The following GLOD5 variants were observed in gnomAD, a reference collection of about 807,000 sequenced individuals.
GLOD5 encodes glyoxalase domain-containing protein 5.
A neutral mutation model predicts 9.9 loss-of-function variants in GLOD5; 7 were observed. The ratio of observed to expected loss-of-function variants is 0.71; its 90% CI spans 0.40 to 1.33. The LOEUF is 1.33. Ranked by LOEUF, GLOD5 falls within the 40% of genes most tolerant of loss-of-function variation. The probability of loss-of-function intolerance (pLI) is 0.01; values close to 1 mark genes in which losing one functional copy is unlikely to be tolerated. For synonymous variants in GLOD5, 49 were observed against 47.3 expected (o/e 1.04, Z -0.14); for missense variants, 146 against 128.4 (o/e 1.14, Z -0.66).
intron 1 of GLOD5, among the ~76,000 whole-genome samples, chrX:48,765,080 C>A: frequency 9.0e-6 from 1 of 110,808 alleles, no homozygotes. Context: ...GAGATGCCCC[C>A]TTCTTGTCTT....
At chrX:48,764,855 T>C (rs2062604986) in intron 1 of GLOD5, among the ~76,000 whole-genome samples, 1 of 111,519 alleles carries the variant, frequency 9.0e-6, no homozygotes, top group African/African-American at 3.3e-5. Context: ...TTTTAAGCAT[T>C]ATACTCCATT....
intron 1 of GLOD5, among the ~76,000 whole-genome samples, chrX:48,763,378 G>T (rs1316944483): frequency 8.9e-6 from 1 of 111,881 alleles, no homozygotes; most frequent in Non-Finnish European, 1.9e-5. Flanking sequence ...AGATTCTACA[G>T]ATGTTAGAAG....
chrX:48,765,577 CAAAAAAAAAA>C (rs66661999), intron 1 of GLOD5: 4 of 177,514 alleles, frequency 2.3e-5, no homozygotes, highest in South Asian at 4.6e-5. Flanking sequence ...GACTCTGTCT[CAAAAAAAAAA>C]AAAAAAAAAA....
At chrX:48,764,776 T>A (rs782337379) in intron 1 of GLOD5, among the ~76,000 whole-genome samples, 1 of 110,114 alleles carries the variant, frequency 9.1e-6, no homozygotes, top group East Asian at 2.8e-4. Context: ...AACTCCTAGG[T>A]TCAAGGGATC....
intron 2 of GLOD5, among the ~76,000 whole-genome samples, chrX:48,768,307 C>A (rs182330229): frequency 1.8e-5 from 2 of 112,389 alleles, no homozygotes; most frequent in East Asian, 2.8e-4. Flanking sequence ...CATTACAATA[C>A]ACACACATAA....
chrX:48,772,858 C>T lies in GLOD5; in HGVS notation c.358-452C>T, dbSNP rs182820776. Among the ~76,000 whole-genome samples, 505 of 110,375 alleles carry T rather than the reference C, an allele frequency of 4.6e-3. 4 individuals carry two copies. The highest frequency in any genetic ancestry group is 0.015 in the African/African-American group (467 of 30,372). ...CCATCTAGCTGATAAGTGGCTGGAA[C>T]GGAGTGATGGAGGGGAGGATGGTAG... On this transcript the variant is annotated intron_variant, in intron 3 of 3. Transcript: ENST00000303227.
chrX:48,771,759 T>C (rs781796507), intron 3 of GLOD5, among the ~76,000 whole-genome samples: 1 of 112,347 alleles, frequency 8.9e-6, no homozygotes, highest in African/African-American at 3.2e-5. Context: ...TTCCGTTCCC[T>C]GTACTCCCTG....
At chrX:48,768,271 A>AC (rs1569497689) in intron 2 of GLOD5, among the ~76,000 whole-genome samples, 1 of 112,357 alleles carries the variant, frequency 8.9e-6, no homozygotes, top group African/African-American at 3.2e-5. Flanking sequence ...AAAATGAAGA[A>AC]ACAATCAGGT....
intron 3 of GLOD5, among the ~76,000 whole-genome samples, chrX:48,772,400 C>T (rs1382043903): frequency 7.2e-5 from 8 of 110,438 alleles, no homozygotes; most frequent in Admixed American, 1.9e-4. Flanking sequence ...ATTAGCCAGA[C>T]GTGGCGGTGT....
At position 48,773,478 on chromosome X, in the gene GLOD5, C is replaced by G. The variant is rs782787238; in HGVS notation, c.*43C>G. The G allele has an allele frequency of 5.2e-5, 61 of 1,180,729 alleles. No individual in the cohort carries two copies. Among genetic ancestry groups the G allele is most frequent in the Non-Finnish European group, 7.0e-5 (61 of 875,698 alleles). The stretch of plus-strand genomic sequence containing the variant: ...CCATTCTGTCCCCCTTGATGTCGCC[C>G]TCTCCTTTCCTTCCTGCAAACCCCC... On this transcript the variant is annotated 3_prime_UTR_variant, in exon 4 of 4. Transcript: ENST00000303227.
rs1557017299 is a variant in GLOD5, at chrX:48,770,948, T to G, written c.223T>G (p.Phe75Val). ...GTAGGAAGACCGGAAAGCACTGTGTTTTGGAGACCAGAAATTTAACCTCCA... is the reference window on the plus strand; with the variant it reads ...GTAGGAAGACCGGAAAGCACTGTGTGTTGGAGACCAGAAATTTAACCTCCA... ...TFKEDRKALC[F>V]GDQKFNLHEV... The change falls in exon 3 of 4, where the codon TTT becomes GTT. Residue 75 changes from phenylalanine to valine, a missense_variant. Coordinates refer to ENST00000303227, the MANE Select transcript of GLOD5 (RefSeq NM_001080489.3). 2 of 1,196,409 alleles carry G rather than the reference T, an allele frequency of 1.7e-6. No individual in the cohort carries two copies. The highest frequency in any genetic ancestry group is 4.6e-5 in the Admixed American group (2 of 43,743).
In GLOD5 at chrX:48,766,153, A is replaced by G. The variant is rs1032829669; in HGVS notation, c.201+181A>G. On this transcript the variant is annotated intron_variant, in intron 2 of 3. Coordinates refer to ENST00000303227, the MANE Select transcript of GLOD5 (RefSeq NM_001080489.3). ...CAGAGAGAGAATGGAGAAAAAAGAG[A>G]GGAGGAAATTATCATAGAAACAATG... 4 of 432,107 alleles carry G rather than the reference A, an allele frequency of 9.3e-6. No homozygotes were observed. In the Admixed American group the frequency reaches 1.2e-4, roughly 13 times the overall value. 35.6% of individuals were successfully genotyped at this position (432,107 alleles called of 1,213,427 possible).
intron 2 of GLOD5, among the ~76,000 whole-genome samples, chrX:48,770,409 C>T (rs782315880): frequency 9.8e-5 from 11 of 112,050 alleles, no homozygotes; most frequent in Non-Finnish European, 1.5e-4. Context: ...TTTCACTGAA[C>T]AACCAGTCCA....
chrX:48,771,430 C>T (rs1264476749), intron 3 of GLOD5, among the ~76,000 whole-genome samples: 7 of 109,069 alleles, frequency 6.4e-5, no homozygotes, highest in Non-Finnish European at 1.3e-4. Flanking sequence ...ATTCTCCTGC[C>T]TCAGCCTCCC....
chrX:48,765,763 G>A, intron 1 of GLOD5, 72 bp from the exon 2 acceptor site: 1 of 1,100,126 alleles, frequency 9.1e-7, no homozygotes, highest in Non-Finnish European at 1.2e-6. Context: ...GGTAGGGGGA[G>A]GTGAGGAGAA....
intron 1 of GLOD5, among the ~76,000 whole-genome samples, chrX:48,764,495 C>T (rs2147293340): frequency 9.1e-6 from 1 of 110,194 alleles, no homozygotes; most frequent in African/African-American, 3.3e-5. Flanking sequence ...GAAGGGGAAA[C>T]CAAGGCACAG....
chrX:48,765,351 C>G (rs2062606017), intron 1 of GLOD5, among the ~76,000 whole-genome samples: 1 of 109,735 alleles, frequency 9.1e-6, no homozygotes, highest in Non-Finnish European at 1.9e-5. Flanking sequence ...GTAGGCAGAT[C>G]ACTTGAGGTC....
intron 3 of GLOD5, among the ~76,000 whole-genome samples, chrX:48,772,174 C>A (rs1435228749): frequency 9.1e-6 from 1 of 110,426 alleles, no homozygotes; most frequent in Non-Finnish European, 1.9e-5. Flanking sequence ...GAGGTGGAGG[C>A]TACAGTGAGC....
intron 3 of GLOD5, 61 bp from the exon 4 acceptor site, chrX:48,773,249 T>C (rs2062627292): frequency 8.6e-7 from 1 of 1,164,373 alleles, no homozygotes; most frequent in African/African-American, 1.8e-5. Flanking sequence ...AAAAAGGCAT[T>C]AAATTTTGGT....
Sources: allele counts gnomAD v4.1 joint callset (sites outside exome capture counted in the v4.1 genomes callset), GRCh38; gene constraint gnomAD v4.1.1; transcripts MANE v1.5; gene names NCBI Gene and HGNC (gene_info 2026-07-23, HGNC 2026-07-21).